Variants in CNEP1R1 observed in about 807,000 individuals in gnomAD.
CNEP1R1 encodes the protein nuclear envelope phosphatase-regulatory subunit 1.
Under a neutral mutation model 22.7 loss-of-function variants are expected in CNEP1R1, and 10 were observed. The observed-to-expected ratio is 0.44, with a 90% CI of 0.27 to 0.75. The LOEUF (loss-of-function observed/expected upper bound fraction) is 0.75, where lower values mean the gene tolerates loss of function less well. Among genes scored for constraint, CNEP1R1 ranks in the 30% least tolerant of loss-of-function variants. The pLI, the probability that CNEP1R1 is intolerant of heterozygous loss-of-function variation, is 0.17. For synonymous variants in CNEP1R1, 53 were observed against 50.1 expected, an observed-to-expected ratio of 1.06 and a Z score of -0.25; for missense variants, 73 against 151.5, an observed-to-expected ratio of 0.48 and a Z score of 2.72.
chr16:50,029,083 C>A (rs1295100636), intron 2 of CNEP1R1, among the ~76,000 whole-genome samples: 1 of 152,146 alleles, frequency 6.6e-6, no homozygotes, highest in East Asian at 1.9e-4. Flanking sequence ...TTATTTTTTA[C>A]TAATACCATT....
In CNEP1R1 at chr16:50,025,398, G is replaced by A. The variant is rs553100215; in HGVS notation, c.25+58G>A. ...TCCCCTCGGAAGCTGGCGGTGCTCC[G>A]GAGGAGCCGGCGTCGTGAAGACCCC... On this transcript the variant is annotated intron_variant, in intron 1 of 5. Coordinates refer to ENST00000427478, the MANE Select transcript of CNEP1R1 (RefSeq NM_001281789.2). 679 of 1,411,470 alleles carry A rather than the reference G, an allele frequency of 4.8e-4. 2 individuals are homozygous for A. In the East Asian group the frequency reaches 9.2e-3, roughly 19 times the overall value. The allele number at this position is 1,411,470 out of a possible 1,614,324, so 87.4% of individuals were successfully genotyped here.
In CNEP1R1 at chr16:50,033,429, A is replaced by AT; in HGVS notation, c.209dup (p.Thr71HisfsTer3). ...TCTTCACATCATTATGGAATCACCCATTTTTCACCATTAGCTGTATCACTC... is the reference window on the plus strand; with the variant it reads ...TCTTCACATCATTATGGAATCACCCATTTTTTCACCATTAGCTGTATCACTC... On this transcript the variant is annotated frameshift_variant, in exon 4 of 6. Transcript: ENST00000427478. LOFTEE classifies it high-confidence loss of function. 1 of 1,600,064 alleles carries AT rather than the reference A, an allele frequency of 6.2e-7. No homozygotes were observed. Among genetic ancestry groups the AT allele is most frequent in the Non-Finnish European group, 8.6e-7 (1 of 1,168,372 alleles).
intron 4 of CNEP1R1, 121 bp from the exon 5 acceptor site, chr16:50,033,981 G>A: frequency 1.5e-6 from 1 of 686,060 alleles, no homozygotes; most frequent in Non-Finnish European, 2.6e-6. Flanking sequence ...TCGATCTCCT[G>A]ACCTTGTGAT....
At chr16:50,031,057 T>A (rs2036227258) in intron 3 of CNEP1R1, among the ~76,000 whole-genome samples, 1 of 152,184 alleles carries the variant, frequency 6.6e-6, no homozygotes, top group Non-Finnish European at 1.5e-5. Context: ...AGTCTCCAAT[T>A]TTTTAGTGAA....
chr16:50,034,223 A>G, intron 5 of CNEP1R1, 67 bp downstream of exon 5: 3 of 1,006,960 alleles, frequency 3.0e-6, no homozygotes, highest in Non-Finnish European at 4.6e-6. Flanking sequence ...GGCTTTAGAA[A>G]GGTAGACATT....
intron 2 of CNEP1R1, chr16:50,026,831 G>C (rs1018564969): frequency 4.9e-5 from 9 of 183,032 alleles, no homozygotes. Flanking sequence ...GAAATTAGCC[G>C]GTCGTGGTGA....
chr16:50,025,492 C>T (rs977414156), intron 1 of CNEP1R1, 152 bp downstream of exon 1: 9 of 1,094,338 alleles, frequency 8.2e-6, no homozygotes, highest in Middle Eastern at 3.0e-4. Flanking sequence ...GGCGGCCGTA[C>T]CTGGCCAGAC....
At position 50,025,229 on chromosome 16, in the gene CNEP1R1, G is replaced by A. The variant is rs1371911945; in HGVS notation, c.-87G>A. On this transcript the variant is annotated 5_prime_UTR_variant, in exon 1 of 6. The change creates a new upstream start codon in the 5' untranslated region. Transcript: ENST00000427478. ...GAGGGGCAGCGGGGAGCGGTTAGAG[G>A]TGGGAGTTGGCGCTGCGGGCCGGGC... 2 of 1,284,780 alleles carry A rather than the reference G, an allele frequency of 1.6e-6. No homozygotes were observed. Among genetic ancestry groups the A allele is most frequent in the Non-Finnish European group, 2.0e-6 (2 of 985,832 alleles). 79.6% of individuals were successfully genotyped at this position (1,284,780 alleles called of 1,614,324 possible). A position where few individuals can be genotyped will look rare whatever the true frequency, so the allele number is the denominator to read the frequency against.
chr16:50,029,874 G>A, intron 3 of CNEP1R1, 76 bp downstream of exon 3: 2 of 837,442 alleles, frequency 2.4e-6, no homozygotes, highest in Admixed American at 2.1e-5. Context: ...TAATGATAAA[G>A]TATTCAAACA....
Position 50,029,715 on chromosome 16 carries a change from C to CT in CNEP1R1, c.98-7dup. Reference sequence around the variant, plus strand: ...ATTTGCTTACTAATTTCGTGTTTATCTTTCATCAGTGCTTCTTATAGTGGT... The same window carrying CT: ...ATTTGCTTACTAATTTCGTGTTTATCTTTTCATCAGTGCTTCTTATAGTGGT... On this transcript the variant is annotated splice_polypyrimidine_tract_variant and intron_variant, in intron 2 of 5. Coordinates refer to ENST00000427478, the MANE Select transcript of CNEP1R1 (RefSeq NM_001281789.2). 1.6e-5 allele frequency: 25 copies of CT among 1,582,216 alleles called. No individual in the cohort carries two copies. The highest frequency in any genetic ancestry group is 2.2e-5 in the Non-Finnish European group (25 of 1,154,664).
intron 1 of CNEP1R1, chr16:50,026,031 G>T: frequency 2.3e-6 from 1 of 440,910 alleles, no homozygotes; most frequent in Non-Finnish European, 4.0e-6. Context: ...GGAAGTTCTT[G>T]GTTCCCAGAG....
intron 2 of CNEP1R1, among the ~76,000 whole-genome samples, chr16:50,027,607 G>GA (rs2036197473): frequency 6.6e-6 from 1 of 151,644 alleles, no homozygotes; most frequent in Admixed American, 6.6e-5. Context: ...AGGCTGTAGT[G>GA]AGCTATGTAG....
intron 2 of CNEP1R1, among the ~76,000 whole-genome samples, chr16:50,029,437 G>C (rs2036213508): frequency 2.0e-5 from 3 of 152,156 alleles, no homozygotes; most frequent in African/African-American, 7.2e-5. Flanking sequence ...ACATAGCGTA[G>C]ACTCTTCTAC....
At chr16:50,028,556 A>T (rs1400184810) in intron 2 of CNEP1R1, among the ~76,000 whole-genome samples, 1 of 152,192 alleles carries the variant, frequency 6.6e-6, no homozygotes, top group African/African-American at 2.4e-5. Context: ...CCCAAAACCT[A>T]TGTTTCACTG....
chr16:50,033,747 C>T (rs773026388), intron 4 of CNEP1R1, among the ~76,000 whole-genome samples: 1 of 151,286 alleles, frequency 6.6e-6, no homozygotes. Flanking sequence ...GCCTGTAGTC[C>T]CAGCTACTCG....
chr16:50,035,338 C>G (rs2036266429), intron 5 of CNEP1R1, 79 bp from the exon 6 acceptor site: 3 of 794,860 alleles, frequency 3.8e-6, no homozygotes, highest in Non-Finnish European at 6.5e-6. Flanking sequence ...TTGCACATAC[C>G]CTTTAAGGTT....
At chr16:50,035,273 TG>T in intron 5 of CNEP1R1, 143 bp from the exon 6 acceptor site, 1 of 542,774 alleles carries the variant, frequency 1.8e-6, no homozygotes. Flanking sequence ...AAGGAAGCTC[TG>T]AAAGCATAAC....
Position 50,025,695 on chromosome 16 carries a change from T to C in CNEP1R1, c.25+355T>C, listed in dbSNP as rs372299754. The C allele has an allele frequency of 5.6e-6, 9 of 1,613,714 alleles. No homozygotes were observed. In the East Asian group the frequency reaches 2.0e-4, roughly 36 times the overall value. ...GATTCCTGCGGTGGTTTCCGGTAACTGCCAAGGTTAGGAAGTGCTGCTCGG... is the reference window on the plus strand; with the variant it reads ...GATTCCTGCGGTGGTTTCCGGTAACCGCCAAGGTTAGGAAGTGCTGCTCGG... On this transcript the variant is annotated intron_variant, in intron 1 of 5. Transcript: ENST00000427478.
chr16:50,025,458 G>C, intron 1 of CNEP1R1, 118 bp downstream of exon 1: 1 of 1,231,450 alleles, frequency 8.1e-7, no homozygotes, highest in Admixed American at 2.8e-5. Flanking sequence ...ATGGAGCTAG[G>C]GGCCCGGAGC....
Sources: gnomAD v4.1 joint callset for allele counts (sites outside exome capture counted in the v4.1 genomes callset) on GRCh38, gnomAD v4.1.1 for gene constraint, MANE v1.5 for transcripts, NCBI Gene and HGNC (gene_info 2026-07-23, HGNC 2026-07-21) for gene names.